HPCAL1: variants seen among roughly 807,000 people sequenced by gnomAD.
HPCAL1 encodes the protein hippocalcin like 1.
A neutral mutation model predicts 17.1 loss-of-function variants in HPCAL1; 8 were observed. The ratio of observed to expected loss-of-function variants is 0.47; its 90% CI spans 0.27 to 0.84. HPCAL1 has a LOEUF of 0.84. Ranked by LOEUF, HPCAL1 falls within the 40% of genes least tolerant of loss-of-function variation. The pLI is 0.13. For synonymous variants in HPCAL1, 112 were observed against 111.4 expected (o/e 1.01, Z -0.03); for missense variants, 165 against 271.1 (o/e 0.61, Z 2.75).
chr2:10,312,761 A>G (rs200891374), intron 1 of HPCAL1, among the ~76,000 whole-genome samples: 1 of 151,680 alleles, frequency 6.6e-6, no homozygotes, highest in African/African-American at 2.4e-5. Context: ...CATCACTGTC[A>G]TCATCACCAT....
At chr2:10,341,300 A>C (rs189826738) in intron 1 of HPCAL1, among the ~76,000 whole-genome samples, 6 of 152,134 alleles carry the variant, frequency 3.9e-5, no homozygotes, top group Admixed American at 6.5e-5. Flanking sequence ...TCTCTACAAA[A>C]AAATACAAAA....
At chr2:10,332,838 G>A (rs1229030185) in intron 1 of HPCAL1, among the ~76,000 whole-genome samples, 1 of 152,204 alleles carries the variant, frequency 6.6e-6, no homozygotes. Flanking sequence ...AGGGTGGTCA[G>A]ATGTGAAGGG....
intron 2 of HPCAL1, among the ~76,000 whole-genome samples, chr2:10,407,481 T>C (rs1670043736): frequency 6.6e-6 from 1 of 152,240 alleles, no homozygotes; most frequent in Non-Finnish European, 1.5e-5. Context: ...ATTTATTGAC[T>C]GAATTGTGTG....
At chr2:10,312,074 A>C (rs371178471) in intron 1 of HPCAL1, among the ~76,000 whole-genome samples, 19 of 150,106 alleles carry the variant, frequency 1.3e-4, no homozygotes, top group African/African-American at 4.7e-4. Context: ...CCCCACCATC[A>C]CCACCATCAT....
At chr2:10,414,530 A>G (rs1330664373) in intron 2 of HPCAL1, among the ~76,000 whole-genome samples, 2 of 152,154 alleles carry the variant, frequency 1.3e-5, no homozygotes, top group African/African-American at 4.8e-5. Flanking sequence ...GACACCAGTC[A>G]TATTGGATTA....
intron 1 of HPCAL1, among the ~76,000 whole-genome samples, chr2:10,373,123 G>A (rs907175628): frequency 4.6e-5 from 7 of 152,398 alleles, no homozygotes; most frequent in African/African-American, 9.6e-5. Context: ...AGCCGGGGCC[G>A]GGGTTTTCCT....
chr2:10,420,081 C>T lies in HPCAL1; in HGVS notation c.324C>T (p.Tyr108=), dbSNP rs1023750883. 1 of 1,613,684 alleles carries T rather than the reference C, an allele frequency of 6.2e-7. No individual in the cohort carries two copies. Among genetic ancestry groups the T allele is most frequent in the African/African-American group, 1.3e-5 (1 of 75,058 alleles). ...AGCTCAAGTGGGCCTTCAGCATGTA[C>T]GACCTGGACGGCAACGGCTACATCA... ...EQKLKWAFSM[Y]DLDGNGYISR... is the part of the protein sequence containing the mutation. The change falls in exon 3 of 5, where the codon TAC becomes TAT. Residue 108 remains tyrosine, a synonymous_variant. Transcript: ENST00000307845.
At position 10,349,702 on chromosome 2, in the gene HPCAL1, C is replaced by CAAAAAAA. The variant is rs55897775; in HGVS notation, c.-111+46556_-111+46562dup. Among the ~76,000 whole-genome samples the CAAAAAAA allele has an allele frequency of 1.6e-3, 83 of 52,734 alleles. 14 individuals carry two copies. The highest frequency in any genetic ancestry group is 5.2e-3 in the African/African-American group (54 of 10,288). The allele number at this position is 52,734 out of a possible 152,430, so 34.6% of individuals were successfully genotyped here. ...TGGGTGACAGAGCAAGACTCTGTCTCAAAAAAAAAAAAAAAAAAAAAAAAA... is the reference window on the plus strand; with the variant it reads ...TGGGTGACAGAGCAAGACTCTGTCTCAAAAAAAAAAAAAAAAAAAAAAAAAAAAAAAA... On this transcript the variant is annotated intron_variant, in intron 1 of 4. Coordinates refer to ENST00000307845, the MANE Select transcript of HPCAL1 (RefSeq NM_002149.4).
chr2:10,377,237 C>CTG lies in HPCAL1; in HGVS notation c.-110-19598_-110-19597insTG, dbSNP rs1244683727. Among the ~76,000 whole-genome samples the CTG allele has an allele frequency of 2.6e-5, 4 of 152,192 alleles. No individual in the cohort carries two copies. The highest frequency in any genetic ancestry group is 1.5e-5 in the Non-Finnish European group (1 of 68,036). ...TGAGGAGGCTGCCACGCAGGCCGCG[C>CTG]CGCCCCGAATGGCAGGTGGAAGGCG... On this transcript the variant is annotated intron_variant, in intron 1 of 4. Transcript: ENST00000307845. This position sits in a 1 kb window ranked among gnomAD's most constrained non-coding sequence, Gnocchi z 5.9.
chr2:10,387,850 C>T (rs1001289451), intron 1 of HPCAL1, among the ~76,000 whole-genome samples: 7 of 152,170 alleles, frequency 4.6e-5, no homozygotes, highest in Admixed American at 2.0e-4. Flanking sequence ...CTCAACTGCA[C>T]GATGGAAGGG....
At chr2:10,305,816 A>G (rs1364737421) in intron 1 of HPCAL1, among the ~76,000 whole-genome samples, 1 of 152,224 alleles carries the variant, frequency 6.6e-6, no homozygotes, top group Non-Finnish European at 1.5e-5. Flanking sequence ...CTATGGAAGG[A>G]CAAGGACTGG....
chr2:10,316,112 T>C (rs1360560207), intron 1 of HPCAL1, among the ~76,000 whole-genome samples: 1 of 152,248 alleles, frequency 6.6e-6, no homozygotes, highest in Non-Finnish European at 1.5e-5. Context: ...TTTGTGTTCT[T>C]GAACTTGGGC....
chr2:10,313,280 AT>A (rs1372282733), intron 1 of HPCAL1, among the ~76,000 whole-genome samples: 1 of 152,062 alleles, frequency 6.6e-6, no homozygotes, highest in Non-Finnish European at 1.5e-5. Context: ...CTGCTTGTCC[AT>A]CTCTCCCAGG....
At chr2:10,352,701 GC>G (rs1318147504) in intron 1 of HPCAL1, among the ~76,000 whole-genome samples, 2 of 152,112 alleles carry the variant, frequency 1.3e-5, no homozygotes, top group African/African-American at 4.8e-5. Flanking sequence ...GCCAGCTCAG[GC>G]CCCCCCAGGG....
At chr2:10,385,058 T>G (rs1668218118) in intron 1 of HPCAL1, among the ~76,000 whole-genome samples, 1 of 150,694 alleles carries the variant, frequency 6.6e-6, no homozygotes, top group African/African-American at 2.4e-5. Context: ...AGGTGAAGGT[T>G]GCAGTGAGCC....
chr2:10,350,628 A>T (rs918949418), intron 1 of HPCAL1, among the ~76,000 whole-genome samples: 3 of 152,188 alleles, frequency 2.0e-5, no homozygotes, highest in Non-Finnish European at 2.9e-5. Context: ...GCCTCAAAGA[A>T]TACCGTCAAG....
At chr2:10,339,008 A>G (rs1461123586) in intron 1 of HPCAL1, among the ~76,000 whole-genome samples, 1 of 152,058 alleles carries the variant, frequency 6.6e-6, no homozygotes. Flanking sequence ...AGATGGAGGG[A>G]TGTGTGGCTG....
At chr2:10,414,738 A>G (rs1670553661) in intron 2 of HPCAL1, among the ~76,000 whole-genome samples, 1 of 152,110 alleles carries the variant, frequency 6.6e-6, no homozygotes, top group African/African-American at 2.4e-5. Flanking sequence ...GAGGAGTACG[A>G]TGCCATCCCC....
At chr2:10,312,716 C>CCACCATCATTGCTGT (rs1396947933) in intron 1 of HPCAL1, among the ~76,000 whole-genome samples, 2 of 151,896 alleles carry the variant, frequency 1.3e-5, no homozygotes, top group Non-Finnish European at 2.9e-5. Flanking sequence ...ATCATCATCA[C>CCACCATCATTGCTGT]CATCACCACC....
Sources: gnomAD v4.1 joint callset for allele counts (sites outside exome capture counted in the v4.1 genomes callset) on GRCh38, gnomAD v4.1.1 for gene constraint, Gnocchi (gnomAD v3.1) non-coding constraint, MANE v1.5 for transcripts, NCBI Gene and HGNC (gene_info 2026-07-23, HGNC 2026-07-21) for gene names.